Variants in SLC24A2 observed in about 807,000 individuals in gnomAD.
SLC24A2 encodes sodium/potassium/calcium exchanger 2.
Under a neutral mutation model 62.0 loss-of-function variants are expected in SLC24A2, and 36 were observed. The ratio of observed to expected loss-of-function variants is 0.58; its 90% CI spans 0.44 to 0.77. SLC24A2 has a LOEUF of 0.77. Among genes scored for constraint, SLC24A2 ranks in the 30% least tolerant of loss-of-function variants. The pLI, the probability that SLC24A2 is intolerant of heterozygous loss-of-function variation, is 0.00. For missense variants in SLC24A2, 846 were observed against 817.9 expected (o/e 1.03, Z -0.42); for synonymous variants, 358 against 294.0 (o/e 1.22, Z -2.23).
In SLC24A2 at chr9:19,540,615, C is replaced by T. The variant is rs1834204282; in HGVS notation, c.1479+9522G>A. The stretch of plus-strand genomic sequence containing the variant: ...GGCTTTCCTTTGAGGGTAACCTGAC[C>T]TTTCTCTCTGGCTGCCCTTAACATT... On this transcript the variant is annotated intron_variant, in intron 8 of 10. Coordinates refer to ENST00000341998, the MANE Select transcript of SLC24A2 (RefSeq NM_020344.4). Among the ~76,000 whole-genome samples the T allele has an allele frequency of 2.1e-5, 3 of 145,926 alleles. No individual in the cohort carries two copies. The South Asian group carries it at 6.5e-4, about 32-fold the overall frequency.
chr9:20,049,554 T>C, the SLC24A2 span, among the ~76,000 whole-genome samples: 1 of 152,158 alleles, frequency 6.6e-6, no homozygotes, highest in Admixed American at 6.5e-5. Flanking sequence ...ATCACTCACA[T>C]TGTTTCAGTC....
the SLC24A2 span, among the ~76,000 whole-genome samples, chr9:20,097,958 G>A: frequency 6.6e-6 from 1 of 151,628 alleles, no homozygotes; most frequent in South Asian, 2.1e-4. Context: ...TAGCCAGTAT[G>A]GTCTCGATCT....
chr9:20,006,501 T>C, the SLC24A2 span, among the ~76,000 whole-genome samples: 17 of 152,102 alleles, frequency 1.1e-4, no homozygotes, highest in Non-Finnish European at 2.2e-4. Flanking sequence ...AAAGGATAAA[T>C]GCTTGAGGGG....
intron 2 of SLC24A2, among the ~76,000 whole-genome samples, chr9:19,769,776 C>T (rs934044684): frequency 9.2e-5 from 14 of 152,056 alleles, no homozygotes; most frequent in African/African-American, 3.4e-4. Flanking sequence ...CTGCATCTGT[C>T]CACCCAGAAA....
chr9:20,078,817 C>A, the SLC24A2 span, among the ~76,000 whole-genome samples: 4 of 152,148 alleles, frequency 2.6e-5, no homozygotes, highest in African/African-American at 9.7e-5. Context: ...CTATGGCAGC[C>A]CTCAATCAAT....
chr9:20,104,291 G>A, the SLC24A2 span, among the ~76,000 whole-genome samples: 1 of 152,186 alleles, frequency 6.6e-6, no homozygotes, highest in African/African-American at 2.4e-5. Context: ...TATTATCCAG[G>A]AGACCTTTCC....
the SLC24A2 span, among the ~76,000 whole-genome samples, chr9:20,243,246 G>T: frequency 6.6e-6 from 1 of 151,916 alleles, no homozygotes; most frequent in Non-Finnish European, 1.5e-5. Flanking sequence ...TCCCTTCATG[G>T]TTGGCATCTG....
At chr9:20,052,214 C>T in the SLC24A2 span, among the ~76,000 whole-genome samples, 1 of 152,188 alleles carries the variant, frequency 6.6e-6, no homozygotes, top group Non-Finnish European at 1.5e-5. Context: ...ACTCTTCTCT[C>T]ATCTCAGTAA....
chr9:19,794,537 T>C, the SLC24A2 span, among the ~76,000 whole-genome samples: 9 of 151,124 alleles, frequency 6.0e-5, no homozygotes, highest in South Asian at 1.9e-3. Flanking sequence ...GACATGCAAT[T>C]ACCAGTGTAA....
chr9:19,691,838 G>A (rs1201219874), intron 2 of SLC24A2, among the ~76,000 whole-genome samples: 2 of 152,120 alleles, frequency 1.3e-5, no homozygotes, highest in African/African-American at 4.8e-5. Flanking sequence ...GATAAAAGTT[G>A]CTTCCCTTGA....
chr9:19,520,334 A>AT (rs1833131796), intron 10 of SLC24A2, among the ~76,000 whole-genome samples: 1 of 152,232 alleles, frequency 6.6e-6, no homozygotes, highest in Admixed American at 6.5e-5. Flanking sequence ...GTGATTATTC[A>AT]TACTGAGAGC....
chr9:19,625,109 GAAGACAACT>G (rs1232240284), intron 2 of SLC24A2, among the ~76,000 whole-genome samples: 2 of 152,130 alleles, frequency 1.3e-5, no homozygotes, highest in African/African-American at 4.8e-5. Context: ...GGATATTACA[GAAGACAACT>G]TCTTCAAAAG....
chr9:19,773,020 C>T (rs564296798), intron 2 of SLC24A2, among the ~76,000 whole-genome samples: 18 of 152,108 alleles, frequency 1.2e-4, no homozygotes, highest in Non-Finnish European at 1.9e-4. Flanking sequence ...ACAACATGGA[C>T]GAACCTTAAA....
At chr9:20,273,208 G>A in the SLC24A2 span, among the ~76,000 whole-genome samples, 1 of 152,128 alleles carries the variant, frequency 6.6e-6, no homozygotes, top group Non-Finnish European at 1.5e-5. Context: ...TAAGCAGAAA[G>A]GTCACCCTCA....
chr9:20,285,590 C>G, the SLC24A2 span, among the ~76,000 whole-genome samples: 5 of 152,136 alleles, frequency 3.3e-5, no homozygotes, highest in Admixed American at 2.0e-4. Flanking sequence ...CCACTGATAT[C>G]AGAGAGGGCA....
the SLC24A2 span, among the ~76,000 whole-genome samples, chr9:20,036,747 T>C: frequency 6.6e-6 from 1 of 152,292 alleles, no homozygotes; most frequent in Non-Finnish European, 1.5e-5. Context: ...AGTTATAGGA[T>C]GCCGGAGGAT....
chr9:20,174,249 G>A, the SLC24A2 span, among the ~76,000 whole-genome samples: 5 of 152,088 alleles, frequency 3.3e-5, no homozygotes, highest in African/African-American at 1.2e-4. Flanking sequence ...AAAAATTCCA[G>A]AAGATAATGT....
the SLC24A2 span, among the ~76,000 whole-genome samples, chr9:20,125,334 C>A: frequency 1.3e-5 from 2 of 152,146 alleles, no homozygotes; most frequent in Non-Finnish European, 2.9e-5. Context: ...AGTGACTTGA[C>A]TAAGGTCACA....
chr9:19,807,753 T>C, the SLC24A2 span, among the ~76,000 whole-genome samples: 1 of 152,210 alleles, frequency 6.6e-6, no homozygotes, highest in Non-Finnish European at 1.5e-5. Context: ...CCTGTGAAAC[T>C]GAAAAGCACT....
Sources: gnomAD v4.1 joint callset for allele counts (sites outside exome capture counted in the v4.1 genomes callset) on GRCh38, gnomAD v4.1.1 for gene constraint, MANE v1.5 for transcripts, NCBI Gene and HGNC (gene_info 2026-07-23, HGNC 2026-07-21) for gene names.